AGO3: variants seen among roughly 807,000 people sequenced by gnomAD.
AGO3 encodes argonaute RISC catalytic component 3, also known as protein argonaute-3.
A neutral mutation model predicts 105.5 loss-of-function variants in AGO3; 16 were observed. The observed-to-expected ratio is 0.15, with a 90% CI of 0.10 to 0.23. AGO3 has a LOEUF of 0.23. Ranked by LOEUF, AGO3 falls within the 10% of genes least tolerant of loss-of-function variation. AGO3 has a pLI of 1.00. For missense variants in AGO3, 534 were observed against 1,088.0 expected (o/e 0.49, Z 7.16); for synonymous variants, 340 against 367.3 (o/e 0.93, Z 0.85).
intron 5 of AGO3, among the ~76,000 whole-genome samples, chr1:35,994,144 G>T (rs1026879319): frequency 7.5e-6 from 1 of 133,118 alleles, no homozygotes; most frequent in Non-Finnish European, 1.5e-5. Context: ...TCAACCTCCC[G>T]AGCTATGCTG....
At position 36,061,214 on chromosome 1, in the gene AGO3, A is replaced by G. The variant is rs895426126; in HGVS notation, c.*5469A>G. ...TGTGTGTGTATATGTATGAGTGTGT[A>G]TATATATAATCTCACACACACACAC... is the stretch of plus-strand genomic sequence containing the variant. On this transcript the variant is annotated 3_prime_UTR_variant, in exon 19 of 19. Coordinates refer to ENST00000373191, the MANE Select transcript of AGO3 (RefSeq NM_024852.4). 2 of 151,808 alleles carry G rather than the reference A, an allele frequency of 1.3e-5. No individual in the cohort carries two copies. The highest frequency in any genetic ancestry group is 2.9e-5 in the Non-Finnish European group (2 of 67,976). The allele number at this position is 151,808 out of a possible 1,614,324, so 9.4% of individuals were successfully genotyped here.
intron 5 of AGO3, chr1:35,982,521 A>G: frequency 1.6e-6 from 1 of 631,192 alleles, no homozygotes. Flanking sequence ...AAAAGATAAA[A>G]ACAAATCAAT....
chr1:36,011,962 G>A (rs989765325), intron 9 of AGO3, among the ~76,000 whole-genome samples: 3 of 152,232 alleles, frequency 2.0e-5, no homozygotes, highest in South Asian at 2.1e-4. Context: ...TAGTATAGTC[G>A]TCATTATTCG....
At chr1:35,946,496 TAA>T (rs939440745) in intron 2 of AGO3, among the ~76,000 whole-genome samples, 1 of 152,204 alleles carries the variant, frequency 6.6e-6, no homozygotes, top group African/African-American at 2.4e-5. Flanking sequence ...ATTTTGTTTT[TAA>T]AAACAAAGAC....
intron 5 of AGO3, among the ~76,000 whole-genome samples, chr1:35,989,076 A>G (rs1647371249): frequency 6.6e-6 from 1 of 152,216 alleles, no homozygotes. Flanking sequence ...GAGCACTATA[A>G]TAAGTACTGT....
At position 36,043,371 on chromosome 1, in the gene AGO3, A is replaced by T. The variant is rs139809535; in HGVS notation, c.2173-76A>T. 5.2e-6 allele frequency: 6 copies of T among 1,146,138 alleles called. No individual in the cohort carries two copies. The East Asian group carries it at 1.5e-4, about 28-fold the overall frequency. 71.0% of individuals were successfully genotyped at this position (1,146,138 alleles called of 1,614,324 possible). A position where few individuals can be genotyped will look rare whatever the true frequency, so the allele number is the denominator to read the frequency against. ...AAATGTAGGATCAGCCTATGTATTC[A>T]TACATTTTTTAAAGTGCTTTCAGAT... On this transcript the variant is annotated intron_variant, in intron 16 of 18. Transcript: ENST00000373191.
chr1:35,931,014 G>T, upstream of AGO3: 1 of 362,360 alleles, frequency 2.8e-6, no homozygotes, highest in Non-Finnish European at 4.9e-6. Context: ...ACGTCGCTCC[G>T]GCACGGCTCG....
At chr1:36,014,598 C>T (rs1056717446) in intron 11 of AGO3, among the ~76,000 whole-genome samples, 8 of 151,478 alleles carry the variant, frequency 5.3e-5, no homozygotes, top group South Asian at 2.1e-4. Flanking sequence ...GGTGAAACCC[C>T]GTCTGTACTA....
intron 5 of AGO3, among the ~76,000 whole-genome samples, chr1:35,976,840 G>A (rs1423138620): frequency 3.3e-5 from 5 of 151,904 alleles, no homozygotes; most frequent in Non-Finnish European, 1.5e-5. Flanking sequence ...TTCCTTTTTT[G>A]TACAATCTTT....
Position 35,931,208 on chromosome 1 carries a change from T to G in AGO3, c.-219T>G. On this transcript the variant is annotated 5_prime_UTR_variant, in exon 1 of 19. Coordinates refer to ENST00000373191, the MANE Select transcript of AGO3 (RefSeq NM_024852.4). ...GACTCCCCTCTGTCCGCGCCTCACA[T>G]CTCCCCTTCCTCTCGCCTAGTCCTG... 1 of 403,722 alleles carries G rather than the reference T, an allele frequency of 2.5e-6. No individual in the cohort carries two copies. Among genetic ancestry groups the G allele is most frequent in the Middle Eastern group, 6.3e-4 (1 of 1,584 alleles). 25.0% of individuals were successfully genotyped at this position (403,722 alleles called of 1,614,324 possible).
chr1:36,040,805 G>A (rs1642212197), intron 16 of AGO3, among the ~76,000 whole-genome samples: 1 of 151,966 alleles, frequency 6.6e-6, no homozygotes, highest in South Asian at 2.1e-4. Flanking sequence ...AGGCACAGTG[G>A]CTCACACCTG....
At chr1:35,971,029 AAT>A (rs538490559) in intron 3 of AGO3, among the ~76,000 whole-genome samples, 4 of 142,980 alleles carry the variant, frequency 2.8e-5, no homozygotes, top group South Asian at 2.1e-4. Context: ...ACCCAGCCTA[AAT>A]ATATATATAT....
At chr1:35,962,542 CAAA>C (rs1004307116) in intron 2 of AGO3, among the ~76,000 whole-genome samples, 7 of 91,980 alleles carry the variant, frequency 7.6e-5, no homozygotes, top group Non-Finnish European at 6.8e-5. Context: ...GACTCCCTCT[CAAA>C]AAAAAAAAAA....
At chr1:36,039,081 A>G (rs945637309) in intron 14 of AGO3, among the ~76,000 whole-genome samples, 2 of 152,210 alleles carry the variant, frequency 1.3e-5, no homozygotes, top group Admixed American at 6.5e-5. Flanking sequence ...TACCAACAAC[A>G]CAAAGAATCT....
chr1:35,979,767 A>T (rs1277624322), intron 5 of AGO3, among the ~76,000 whole-genome samples: 3 of 152,150 alleles, frequency 2.0e-5, no homozygotes, highest in African/African-American at 7.2e-5. Context: ...TACATTATCT[A>T]ATAAAAAGAT....
chr1:35,960,079 A>G (rs929079119), intron 2 of AGO3, among the ~76,000 whole-genome samples: 7 of 152,030 alleles, frequency 4.6e-5, no homozygotes, highest in Non-Finnish European at 8.8e-5. Context: ...TACTTATATT[A>G]TCATATATTT....
intron 17 of AGO3, among the ~76,000 whole-genome samples, chr1:36,050,739 G>A (rs907961763): frequency 4.2e-5 from 6 of 144,330 alleles, no homozygotes; most frequent in Middle Eastern, 3.7e-3. Context: ...TTGCAGAGCC[G>A]AGATCACACC....
intron 12 of AGO3, among the ~76,000 whole-genome samples, chr1:36,032,475 A>G (rs182136): frequency 0.21 from 31,471 of 151,764 alleles, 7,445 homozygotes; most frequent in East Asian, 0.68. Context: ...TCCATCTCCT[A>G]GGCCCATGCA....
At chr1:35,968,079 A>C (rs1246204511) in intron 3 of AGO3, among the ~76,000 whole-genome samples, 2 of 152,166 alleles carry the variant, frequency 1.3e-5, no homozygotes, top group Non-Finnish European at 1.5e-5. Flanking sequence ...ATATTATATA[A>C]CCATTCTTTC....
Sources: allele counts gnomAD v4.1 joint callset (sites outside exome capture counted in the v4.1 genomes callset), GRCh38; gene constraint gnomAD v4.1.1; transcripts MANE v1.5; gene names NCBI Gene and HGNC (gene_info 2026-07-23, HGNC 2026-07-21).